Variants in STT3B observed in about 807,000 individuals in gnomAD.
STT3B encodes dolichyl-diphosphooligosaccharide--protein glycosyltransferase subunit STT3B.
In STT3B, 29 loss-of-function variants were observed where a neutral mutation model predicts 96.8. The observed-to-expected ratio is 0.30, with a 90% CI of 0.22 to 0.41. STT3B has a LOEUF of 0.41. Among genes scored for constraint, STT3B ranks in the 10% least tolerant of loss-of-function variants. STT3B has a pLI of 1.00. For missense variants in STT3B, 640 were observed against 1,022.3 expected (o/e 0.63, Z 5.10); for synonymous variants, 367 against 360.0 (o/e 1.02, Z -0.22).
chr3:31,553,341 C>T (rs867482146), intron 1 of STT3B, among the ~76,000 whole-genome samples: 3 of 152,236 alleles, frequency 2.0e-5, no homozygotes, highest in Middle Eastern at 3.4e-3. Flanking sequence ...AATGAATGTA[C>T]AGCCTTATTA....
intron 1 of STT3B, among the ~76,000 whole-genome samples, chr3:31,551,840 T>C (rs548605254): frequency 1.3e-5 from 2 of 152,320 alleles, no homozygotes; most frequent in African/African-American, 4.8e-5. Flanking sequence ...GACTCCTTGC[T>C]GGCATTATAA....
At chr3:31,560,207 G>T (rs1697840887) in intron 1 of STT3B, among the ~76,000 whole-genome samples, 1 of 151,770 alleles carries the variant, frequency 6.6e-6, no homozygotes, top group East Asian at 1.9e-4. Flanking sequence ...TAATATGTGG[G>T]GGTTTATTCC....
chr3:31,617,842 G>A (rs1699340391), intron 7 of STT3B, 98 bp from the exon 8 acceptor site: 1 of 841,892 alleles, frequency 1.2e-6, no homozygotes, highest in East Asian at 2.5e-5. Context: ...TTGAACATTA[G>A]TTTGTCTATC....
intron 1 of STT3B, among the ~76,000 whole-genome samples, chr3:31,560,701 T>C (rs1697857026): frequency 6.6e-6 from 1 of 152,146 alleles, no homozygotes; most frequent in Non-Finnish European, 1.5e-5. Context: ...TGTTTGACTT[T>C]TGACAGTTTG....
chr3:31,579,555 T>A (rs965042274), intron 2 of STT3B, among the ~76,000 whole-genome samples: 3 of 150,614 alleles, frequency 2.0e-5, no homozygotes, highest in African/African-American at 7.3e-5. Flanking sequence ...GTTAAACATT[T>A]TGAATTTTAA....
chr3:31,566,623 C>G (rs887118728), intron 1 of STT3B, among the ~76,000 whole-genome samples: 9 of 152,106 alleles, frequency 5.9e-5, no homozygotes, highest in Admixed American at 1.3e-4. Context: ...CTCTTTAACT[C>G]TTTGAATTGC....
Position 31,533,019 on chromosome 3 carries a change from G to A in STT3B, c.21G>A (p.Pro7=). The A allele has an allele frequency of 1.3e-6, 2 of 1,589,456 alleles. No individual in the cohort carries two copies. Among genetic ancestry groups the A allele is most frequent in the Non-Finnish European group, 1.7e-6 (2 of 1,169,358 alleles). The change falls in exon 1 of 16, where the codon CCG becomes CCA. Residue 7 remains proline, a synonymous_variant. Coordinates refer to ENST00000295770, the MANE Select transcript of STT3B (RefSeq NM_178862.3). MAEPSA[P]ESKHKSSLNS... The stretch of plus-strand genomic sequence containing the variant: ...ACAACATGGCGGAGCCCTCGGCCCC[G>A]GAGAGCAAGCACAAGTCGTCCCTCA...
At chr3:31,587,583 G>A (rs1186001069) in intron 3 of STT3B, among the ~76,000 whole-genome samples, 6 of 151,906 alleles carry the variant, frequency 3.9e-5, no homozygotes, top group Non-Finnish European at 8.8e-5. Context: ...CTATGTTGAA[G>A]TATTTATAAA....
chr3:31,538,119 A>G (rs1377698822), intron 1 of STT3B, among the ~76,000 whole-genome samples: 1 of 152,180 alleles, frequency 6.6e-6, no homozygotes, highest in Non-Finnish European at 1.5e-5. Flanking sequence ...GTGAACACTC[A>G]TATACTCTAA....
intron 5 of STT3B, among the ~76,000 whole-genome samples, chr3:31,611,945 C>A (rs1699189684): frequency 6.6e-6 from 1 of 152,052 alleles, no homozygotes. Context: ...TTTACAAATT[C>A]AAGCAGAGCA....
intron 4 of STT3B, among the ~76,000 whole-genome samples, chr3:31,597,722 G>A (rs1253123390): frequency 6.6e-6 from 1 of 152,030 alleles, no homozygotes; most frequent in Non-Finnish European, 1.5e-5. Context: ...GCCTCCCAAA[G>A]CACTGGGATT....
At chr3:31,629,530 CTAAA>C (rs780496400) in intron 14 of STT3B, 119 bp downstream of exon 14, 76 of 516,486 alleles carry the variant, frequency 1.5e-4, no homozygotes, top group African/African-American at 9.5e-4. Flanking sequence ...ATGTGCTTAT[CTAAA>C]TAGTCTTTTT....
intron 2 of STT3B, among the ~76,000 whole-genome samples, chr3:31,579,388 A>G (rs1477232359): frequency 7.0e-6 from 1 of 141,862 alleles, no homozygotes; most frequent in Non-Finnish European, 1.5e-5. Context: ...TCCTTTTCTC[A>G]TTTTCTTATG....
intron 8 of STT3B, among the ~76,000 whole-genome samples, chr3:31,618,761 C>T (rs1259869769): frequency 1.3e-5 from 2 of 152,064 alleles, no homozygotes; most frequent in Non-Finnish European, 2.9e-5. Flanking sequence ...TAGACACATA[C>T]TTCAAGAGTT....
At chr3:31,577,157 G>A (rs1049616868) in intron 2 of STT3B, among the ~76,000 whole-genome samples, 1 of 151,994 alleles carries the variant, frequency 6.6e-6, no homozygotes, top group Non-Finnish European at 1.5e-5. Flanking sequence ...AGAAACTTCT[G>A]ACTCTGTTGA....
intron 4 of STT3B, among the ~76,000 whole-genome samples, chr3:31,598,460 C>CTTT (rs1166209610): frequency 6.6e-6 from 1 of 152,078 alleles, no homozygotes; most frequent in African/African-American, 2.4e-5. Context: ...AAAGAGTTAA[C>CTTT]TAAAAAGAGA....
At chr3:31,564,344 G>A (rs1177856568) in intron 1 of STT3B, among the ~76,000 whole-genome samples, 1 of 152,140 alleles carries the variant, frequency 6.6e-6, no homozygotes, top group Non-Finnish European at 1.5e-5. Context: ...ACCGTCCTTG[G>A]TGCTAGGAGT....
chr3:31,587,267 A>AAAAC (rs1698561489), intron 3 of STT3B, among the ~76,000 whole-genome samples: 1 of 151,452 alleles, frequency 6.6e-6, no homozygotes, highest in African/African-American at 2.4e-5. Flanking sequence ...TAACACTCCA[A>AAAAC]AAAGCCTCGC....
Position 31,560,123 on chromosome 3 carries a change from A to AT in STT3B, c.315-16266dup, listed in dbSNP as rs530318010. ...TAGGCAGCATATAGTTGGGTCTTTT[A>AT]TTTTTTTAATTCATTCAGCCAGTGT... On this transcript the variant is annotated intron_variant, in intron 1 of 15. Transcript: ENST00000295770. Among the ~76,000 whole-genome samples the AT allele has an allele frequency of 2.2e-4, 34 of 151,954 alleles. 1 individual carries two copies. In the East Asian group the frequency reaches 5.0e-3, roughly 22 times the overall value.
Sources: allele counts gnomAD v4.1 joint callset (sites outside exome capture counted in the v4.1 genomes callset), GRCh38; gene constraint gnomAD v4.1.1; transcripts MANE v1.5; gene names NCBI Gene and HGNC (gene_info 2026-07-23, HGNC 2026-07-21).